TRIM33: variants seen among roughly 807,000 people sequenced by gnomAD.
The protein encoded by TRIM33 is E3 ubiquitin-protein ligase TRIM33.
TRIM33 carries 20 observed loss-of-function variants against 125.4 expected under a neutral mutation model. That is an observed-to-expected ratio of 0.16 (90% CI 0.11 to 0.23). The LOEUF (loss-of-function observed/expected upper bound fraction) is 0.23. TRIM33 is among the 10% of genes least tolerant of loss of function. The probability of loss-of-function intolerance (pLI) is 1.00; values close to 1 mark genes in which losing one functional copy is unlikely to be tolerated. For missense variants in TRIM33, 920 were observed against 1,411.4 expected (o/e 0.65, Z 5.58); for synonymous variants, 564 against 513.9 (o/e 1.10, Z -1.32).
intron 11 of TRIM33, among the ~76,000 whole-genome samples, chr1:114,411,363 T>C (rs975324526): frequency 2.0e-5 from 3 of 152,136 alleles, no homozygotes; most frequent in Non-Finnish European, 4.4e-5. Flanking sequence ...GGGCTGAAGG[T>C]AGGAGTAGGC....
intron 17 of TRIM33, 149 bp downstream of exon 17, chr1:114,401,240 G>C: frequency 2.4e-6 from 1 of 411,868 alleles, no homozygotes; most frequent in Non-Finnish European, 4.3e-6. Flanking sequence ...GTTTCACCGT[G>C]GTCTCTATTT....
chr1:114,410,040 TA>T, intron 12 of TRIM33, 143 bp downstream of exon 12: 1 of 1,088,554 alleles, frequency 9.2e-7, no homozygotes, highest in Non-Finnish European at 1.3e-6. Flanking sequence ...GCCAATTCCT[TA>T]AAATAAATCT....
intron 1 of TRIM33, among the ~76,000 whole-genome samples, chr1:114,469,560 A>G (rs17032759): frequency 2.0e-5 from 3 of 152,214 alleles, no homozygotes; most frequent in Non-Finnish European, 4.4e-5. Context: ...TTTAGTTCTT[A>G]TAACAGAGCA....
chr1:114,427,338 A>G, intron 7 of TRIM33, 44 bp from the exon 8 acceptor site: 1 of 1,017,896 alleles, frequency 9.8e-7, no homozygotes, highest in Non-Finnish European at 1.5e-6. Context: ...ATTAAATATC[A>G]ATTGGGAAAT....
Position 114,510,958 on chromosome 1 carries a change from G to A in TRIM33, c.119C>T (p.Ala40Val). Residue 40 changes from alanine to valine, a missense_variant, in exon 1 of 20, where the codon GCG becomes GTG. This residue lies in a region of TRIM33 where 233 missense variants were observed against 189.6 expected (regional missense o/e 1.23). Coordinates refer to ENST00000358465, the MANE Select transcript of TRIM33 (RefSeq NM_015906.4). ...AAQEAEPPLTAVLVEEEEEEG... is the reference protein window; with the variant it reads ...AAQEAEPPLTVVLVEEEEEEG... ...CTCCTCCTCCTCCTCCACCAGCACC[G>A]CGGTGAGAGGCGGCTCCGCCTCCTG... The A allele has an allele frequency of 7.2e-7, 1 of 1,386,048 alleles. No homozygotes were observed. 85.9% of individuals were successfully genotyped at this position (1,386,048 alleles called of 1,614,324 possible).
At chr1:114,466,954 G>A (rs1215605865) in intron 1 of TRIM33, among the ~76,000 whole-genome samples, 1 of 152,162 alleles carries the variant, frequency 6.6e-6, no homozygotes, top group African/African-American at 2.4e-5. Context: ...CCTCATAGCA[G>A]CCCTGTAAAG....
intron 1 of TRIM33, chr1:114,490,716 G>A (rs1417432499): frequency 6.6e-6 from 1 of 152,184 alleles, no homozygotes; most frequent in African/African-American, 2.4e-5. Flanking sequence ...TAAAAATAGT[G>A]AAGTACTGGC....
At chr1:114,434,209 T>C (rs1231281914) in intron 4 of TRIM33, among the ~76,000 whole-genome samples, 1 of 152,192 alleles carries the variant, frequency 6.6e-6, no homozygotes, top group African/African-American at 2.4e-5. Context: ...AAGGTCTATG[T>C]TACCCAGGCT....
Position 114,410,170 on chromosome 1 carries a change from C to A in TRIM33, c.2194+14G>T. Reference sequence around the variant, plus strand: ...TAAGGTGTTAAAAAATAAGGTAATACCCGTTTGCTTTACCTGATGATCCCG... The same window carrying A: ...TAAGGTGTTAAAAAATAAGGTAATAACCGTTTGCTTTACCTGATGATCCCG... On this transcript the variant is annotated intron_variant, in intron 12 of 19. Transcript: ENST00000358465. The A allele has an allele frequency of 6.2e-7, 1 of 1,613,582 alleles. No individual in the cohort carries two copies. Among genetic ancestry groups the A allele is most frequent in the South Asian group, 1.1e-5 (1 of 91,044 alleles).
Position 114,510,897 on chromosome 1 carries a change from G to T in TRIM33, c.180C>A (p.Ala60=), listed in dbSNP as rs1653313747. ...GGRAGAEGGA[A]GPDDGGVAAA... is the part of the protein sequence containing the mutation. ...CGGCCACCCCCCCGTCGTCGGGCCC[G>T]GCCGCGCCGCCCTCAGCGCCGGCCC... is the stretch of plus-strand genomic sequence containing the variant. Residue 60 remains alanine, a synonymous_variant, in exon 1 of 20, where the codon GCC becomes GCA. Coordinates refer to ENST00000358465, the MANE Select transcript of TRIM33 (RefSeq NM_015906.4). The T allele has an allele frequency of 1.2e-5, 17 of 1,430,092 alleles. No individual in the cohort carries two copies. The highest frequency in any genetic ancestry group is 1.5e-5 in the Non-Finnish European group (17 of 1,099,648). The allele number at this position is 1,430,092 out of a possible 1,614,324, so 88.6% of individuals were successfully genotyped here.
At chr1:114,425,306 CA>C (rs1647492693) in intron 9 of TRIM33, 142 bp downstream of exon 9, 1 of 1,127,966 alleles carries the variant, frequency 8.9e-7, no homozygotes, top group South Asian at 1.5e-5. Flanking sequence ...CCATCATAAC[CA>C]TAGCAAATAT....
Position 114,397,590 on chromosome 1 carries a change from T to TTTTTTTTTTTTTTTTTTG in TRIM33, c.*57_*58insCAAAAAAAAAAAAAAAAA. ...TTAAAAGTTTTCTGGGTTTTTTGTG[T>TTTTTTTTTTTTTTTTTTG]TTTTTTTTTTTTTTTCGTTTTTTTT... On this transcript the variant is annotated 3_prime_UTR_variant, in exon 20 of 20. Transcript: ENST00000358465. 2 of 582,174 alleles carry TTTTTTTTTTTTTTTTTTG rather than the reference T, an allele frequency of 3.4e-6. No homozygotes were observed. Among genetic ancestry groups the TTTTTTTTTTTTTTTTTTG allele is most frequent in the Non-Finnish European group, 4.8e-6 (2 of 420,772 alleles). The allele number at this position is 582,174 out of a possible 1,614,324, so 36.1% of individuals were successfully genotyped here. A position where few individuals can be genotyped will look rare whatever the true frequency, so the allele number is the denominator to read the frequency against.
At chr1:114,426,507 C>CTT (rs371040415) in intron 8 of TRIM33, among the ~76,000 whole-genome samples, 1,480 of 140,476 alleles carry the variant, frequency 0.011, 21 homozygotes, top group African/African-American at 0.036. Context: ...GCAAAGATTA[C>CTT]TTTTTTTTTT....
chr1:114,448,566 G>A (rs982950397), intron 4 of TRIM33, among the ~76,000 whole-genome samples: 5 of 152,096 alleles, frequency 3.3e-5, no homozygotes, highest in Non-Finnish European at 7.4e-5. Context: ...GAAGGAAGTC[G>A]GGTTTAATCA....
chr1:114,505,367 C>G (rs1458644797), intron 1 of TRIM33, among the ~76,000 whole-genome samples: 1 of 152,100 alleles, frequency 6.6e-6, no homozygotes. Context: ...GAGGCCAGAA[C>G]TGTCATATAG....
intron 1 of TRIM33, among the ~76,000 whole-genome samples, chr1:114,464,883 G>T (rs952445109): frequency 6.6e-6 from 1 of 152,124 alleles, no homozygotes; most frequent in Non-Finnish European, 1.5e-5. Context: ...GAAGAAGCCG[G>T]AGAAAAGAAA....
chr1:114,459,033 T>C (rs1166957164), intron 4 of TRIM33, among the ~76,000 whole-genome samples: 1 of 152,176 alleles, frequency 6.6e-6, no homozygotes, highest in Non-Finnish European at 1.5e-5. Flanking sequence ...AAATGTGTGA[T>C]ATTTTAGTAT....
chr1:114,446,013 A>G (rs1176557112), intron 4 of TRIM33, among the ~76,000 whole-genome samples: 1 of 152,022 alleles, frequency 6.6e-6, no homozygotes, highest in African/African-American at 2.4e-5. Flanking sequence ...ACATGTTCCC[A>G]CGCCCAGCTA....
chr1:114,450,188 G>C (rs992115309), intron 4 of TRIM33, among the ~76,000 whole-genome samples: 1 of 152,076 alleles, frequency 6.6e-6, no homozygotes, highest in African/African-American at 2.4e-5. Context: ...ACCCGGCAGG[G>C]GCAGAGGTTG....
Sources: allele counts gnomAD v4.1 joint callset (sites outside exome capture counted in the v4.1 genomes callset), GRCh38; gene constraint gnomAD v4.1.1; regional missense constraint gnomAD v4.1.1; transcripts MANE v1.5; gene names NCBI Gene and HGNC (gene_info 2026-07-23, HGNC 2026-07-21).